Variants in NRG1 observed in about 807,000 individuals in gnomAD.
The protein encoded by NRG1 is neuregulin 1.
Under a neutral mutation model 63.8 loss-of-function variants are expected in NRG1, and 18 were observed. That is an observed-to-expected ratio of 0.28 (90% CI 0.19 to 0.42). The LOEUF is 0.42. Ranked by LOEUF, NRG1 falls within the 10% of genes least tolerant of loss-of-function variation. The pLI is 1.00. For missense variants in NRG1, 762 were observed against 814.7 expected (o/e 0.94, Z 0.79); for synonymous variants, 302 against 301.3 (o/e 1.00, Z -0.02).
chr8:31,651,524 G>C (rs1030138104), intron 1 of NRG1, among the ~76,000 whole-genome samples: 22 of 152,188 alleles, frequency 1.4e-4, no homozygotes, highest in African/African-American at 2.2e-4. Flanking sequence ...TGGTTTTCAG[G>C]GGGGTGGCAG....
chr8:31,893,226 C>G (rs1831290826), intron 1 of NRG1, among the ~76,000 whole-genome samples: 1 of 150,642 alleles, frequency 6.6e-6, no homozygotes. Flanking sequence ...ATAAAAGATA[C>G]TGGAGCAACT....
chr8:31,681,302 C>T (rs1808317176), intron 1 of NRG1, among the ~76,000 whole-genome samples: 1 of 152,126 alleles, frequency 6.6e-6, no homozygotes, highest in Non-Finnish European at 1.5e-5. Context: ...AGTTTTACTA[C>T]ATTACTACCC....
At chr8:31,837,808 G>A (rs1643953139) in intron 1 of NRG1, among the ~76,000 whole-genome samples, 1 of 152,044 alleles carries the variant, frequency 6.6e-6, no homozygotes, top group Non-Finnish European at 1.5e-5. Flanking sequence ...GCAAATGGCA[G>A]GATTTTATCC....
intron 1 of NRG1, among the ~76,000 whole-genome samples, chr8:32,152,300 A>G (rs1352095113): frequency 6.6e-6 from 1 of 152,232 alleles, no homozygotes; most frequent in Non-Finnish European, 1.5e-5. Context: ...AGAAACCCTG[A>G]TGGCTTTGTC....
chr8:32,269,251 C>G (rs1188523004), intron 1 of NRG1, among the ~76,000 whole-genome samples: 1 of 152,070 alleles, frequency 6.6e-6, no homozygotes, highest in Non-Finnish European at 1.5e-5. Flanking sequence ...TCTAATAAGA[C>G]TCTATTTGGA....
chr8:32,673,316 T>G (rs1251350068), intron 5 of NRG1, among the ~76,000 whole-genome samples: 1 of 152,166 alleles, frequency 6.6e-6, no homozygotes, highest in Non-Finnish European at 1.5e-5. Context: ...ATGATATAAT[T>G]TATAGATCAT....
At chr8:32,392,704 C>A (rs1026236027) in intron 1 of NRG1, among the ~76,000 whole-genome samples, 2 of 152,164 alleles carry the variant, frequency 1.3e-5, no homozygotes, top group African/African-American at 4.8e-5. Flanking sequence ...CTAATTTCCA[C>A]GTTAGTACTT....
chr8:32,191,493 G>A (rs1196567499), intron 1 of NRG1, among the ~76,000 whole-genome samples: 1 of 152,128 alleles, frequency 6.6e-6, no homozygotes, highest in East Asian at 1.9e-4. Context: ...TTCCTATGTT[G>A]GTAAGAATTG....
intron 1 of NRG1, among the ~76,000 whole-genome samples, chr8:31,683,072 T>C (rs913105473): frequency 6.6e-6 from 1 of 152,162 alleles, no homozygotes; most frequent in Admixed American, 6.6e-5. Flanking sequence ...AGAAACGATC[T>C]TCCTAGAGTC....
chr8:31,823,117 C>CTTTTTTTTTTTTTTT (rs147209584), intron 1 of NRG1, among the ~76,000 whole-genome samples: 2 of 77,964 alleles, frequency 2.6e-5, no homozygotes, highest in Non-Finnish European at 2.4e-5. Flanking sequence ...TGTCCTTGTT[C>CTTTTTTTTTTTTTTT]TTTTTTTTTT....
chr8:32,101,216 T>A (rs1240167403), intron 1 of NRG1, among the ~76,000 whole-genome samples: 1 of 152,174 alleles, frequency 6.6e-6, no homozygotes, highest in African/African-American at 2.4e-5. Flanking sequence ...TTACTTGGCC[T>A]TTTGTCTGGG....
At chr8:32,600,343 C>A (rs1588606647) in intron 2 of NRG1, among the ~76,000 whole-genome samples, 3 of 152,028 alleles carry the variant, frequency 2.0e-5, no homozygotes, top group Non-Finnish European at 4.4e-5. Flanking sequence ...CACACACACA[C>A]ACACACACAC....
At chr8:32,415,174 G>A (rs1193993460) in intron 1 of NRG1, among the ~76,000 whole-genome samples, 2 of 151,916 alleles carry the variant, frequency 1.3e-5, no homozygotes, top group Admixed American at 6.6e-5. Flanking sequence ...TTGGGAGGCC[G>A]AGGCAGGTGG....
At chr8:31,821,626 C>G (rs1194209141) in intron 1 of NRG1, among the ~76,000 whole-genome samples, 2 of 151,864 alleles carry the variant, frequency 1.3e-5, no homozygotes, top group African/African-American at 4.8e-5. Context: ...AGAGTAGTTT[C>G]CTTTATTTAA....
Position 32,487,051 on chromosome 8 carries a change from ATTT to A in NRG1, c.38-108772_38-108770del, listed in dbSNP as rs909022955. Among the ~76,000 whole-genome samples, 522 of 152,158 alleles carry A rather than the reference ATTT, an allele frequency of 3.4e-3. 3 individuals are homozygous for A. The highest frequency in any genetic ancestry group is 0.012 in the African/African-American group (512 of 41,518). On this transcript the variant is annotated intron_variant, in intron 1 of 10. Coordinates refer to the NRG1 transcript ENST00000519301. ...AATCCAGAGTAAGCAAATAAATCAT[ATTT>A]TTTTAATTAAAAACATATAAAGTAC...
At chr8:31,818,849 A>G (rs1823712237) in intron 1 of NRG1, among the ~76,000 whole-genome samples, 3 of 152,128 alleles carry the variant, frequency 2.0e-5, no homozygotes, top group South Asian at 4.1e-4. Context: ...CGAGGTCAGG[A>G]TATCGAGACC....
At chr8:32,746,340 T>C (rs1234525500) in intron 7 of NRG1, among the ~76,000 whole-genome samples, 1 of 152,174 alleles carries the variant, frequency 6.6e-6, no homozygotes, top group African/African-American at 2.4e-5. Flanking sequence ...ATCTCAGCGG[T>C]ACAGAAAGTC....
rs141747509 is a variant in NRG1, at chr8:31,980,556, G to A, written c.37+341125G>A. The stretch of plus-strand genomic sequence containing the variant: ...CACTGGCTATATATCTGCAACCAAA[G>A]TAAAGTGTGGAATTGGGTATTTGTT... On this transcript the variant is annotated intron_variant, in intron 1 of 10. Coordinates refer to the NRG1 transcript ENST00000519301. Among the ~76,000 whole-genome samples the A allele has an allele frequency of 2.9e-3, 437 of 152,128 alleles. 3 individuals are homozygous for A. The highest frequency in any genetic ancestry group is 5.4e-3 in the Non-Finnish European group (365 of 67,956).
chr8:32,633,449 C>T (rs1850708751), intron 5 of NRG1, among the ~76,000 whole-genome samples: 1 of 152,110 alleles, frequency 6.6e-6, no homozygotes, highest in African/African-American at 2.4e-5. Flanking sequence ...CTGCATTCTT[C>T]TTCTATCACT....
Sources: gnomAD v4.1 joint callset for allele counts (sites outside exome capture counted in the v4.1 genomes callset) on GRCh38, gnomAD v4.1.1 for gene constraint, MANE v1.5 for transcripts, NCBI Gene and HGNC (gene_info 2026-07-23, HGNC 2026-07-21) for gene names.